GPAT3: variants seen among roughly 807,000 people sequenced by gnomAD.
GPAT3 encodes the protein glycerol-3-phosphate acyltransferase 3, also known as 1-AGP acyltransferase 9.
A neutral mutation model predicts 58.8 loss-of-function variants in GPAT3; 53 were observed. The observed-to-expected ratio is 0.90, with a 90% CI of 0.72 to 1.13. The LOEUF is 1.13. Among genes scored for constraint, GPAT3 ranks in the 50% most tolerant of loss-of-function variants. The pLI is 0.00. For synonymous variants in GPAT3, 197 were observed against 187.4 expected, an observed-to-expected ratio of 1.05 and a Z score of -0.42; for missense variants, 511 against 527.6, an observed-to-expected ratio of 0.97 and a Z score of 0.31.
chr4:83,536,737 A>G lies in GPAT3; in HGVS notation c.115A>G (p.Met39Val), dbSNP rs780369619. Residue 39 changes from methionine to valine, a missense_variant, in exon 1 of 12, where the codon ATG becomes GTG. Coordinates refer to ENST00000264409, the MANE Select transcript of GPAT3 (RefSeq NM_032717.5). ...GTCTCTGGGCATCTCCGAGATCTAC[A>G]TGAAGATCCTAGTGAAAACTTTAGA... ...GVSLGISEIY[M>V]KILVKTLEWA... 3 of 1,612,674 alleles carry G rather than the reference A, an allele frequency of 1.9e-6. No individual in the cohort carries two copies. Among genetic ancestry groups the G allele is most frequent in the Non-Finnish European group, 8.5e-7 (1 of 1,179,780 alleles).
chr4:83,594,880 T>C lies in GPAT3; in HGVS notation c.774T>C (p.Ile258=). 1 of 1,613,990 alleles carries C rather than the reference T, an allele frequency of 6.2e-7. No homozygotes were observed. ...GQVHGGLMGI[I]QRAMVKACPH... ...TTCATGGCGGCTTGATGGGAATTAT[T>C]CAGAGAGCTATGGTCAAGGCTTGTC... The change falls in exon 7 of 12, where the codon ATT becomes ATC. Residue 258 remains isoleucine, a synonymous_variant. Coordinates refer to ENST00000264409, the MANE Select transcript of GPAT3 (RefSeq NM_032717.5).
chr4:83,547,971 C>T (rs539665692), intron 2 of GPAT3, among the ~76,000 whole-genome samples: 5 of 151,834 alleles, frequency 3.3e-5, no homozygotes, highest in Middle Eastern at 3.4e-3. Flanking sequence ...GCCATAGTGC[C>T]GGGCCATATC....
chr4:83,549,073 A>T (rs1308015304), intron 2 of GPAT3, among the ~76,000 whole-genome samples: 1 of 151,694 alleles, frequency 6.6e-6, no homozygotes, highest in African/African-American at 2.4e-5. Flanking sequence ...GTCAGGTGGG[A>T]TCATGCATGC....
At chr4:83,595,191 C>T (rs1726774804) in intron 7 of GPAT3, 1 of 377,066 alleles carries the variant, frequency 2.7e-6, no homozygotes, top group Non-Finnish European at 4.8e-6. Context: ...ATTTATATTG[C>T]TGTGACTTAG....
At chr4:83,551,487 ATT>A (rs33960272) in intron 2 of GPAT3, among the ~76,000 whole-genome samples, 52,096 of 151,274 alleles carry the variant, frequency 0.34, 9,078 homozygotes, top group Middle Eastern at 0.44. Flanking sequence ...TGTATTTATA[ATT>A]TTTTTTCTTT....
intron 2 of GPAT3, among the ~76,000 whole-genome samples, chr4:83,570,748 C>T (rs1443948680): frequency 6.6e-6 from 1 of 152,164 alleles, no homozygotes; most frequent in Non-Finnish European, 1.5e-5. Flanking sequence ...GTTGGGATTA[C>T]AGGCGTGAGC....
intron 11 of GPAT3, among the ~76,000 whole-genome samples, chr4:83,600,898 G>A (rs1199966638): frequency 6.6e-6 from 1 of 152,104 alleles, no homozygotes; most frequent in Non-Finnish European, 1.5e-5. Context: ...TAAACTCCCT[G>A]CTGTCTTTTT....
chr4:83,598,031 T>C lies in GPAT3; in HGVS notation c.997-20T>C, dbSNP rs541057590. 5 of 1,612,576 alleles carry C rather than the reference T, an allele frequency of 3.1e-6. No individual in the cohort carries two copies. The South Asian group carries it at 5.5e-5, about 18-fold the overall frequency. On this transcript the variant is annotated intron_variant, in intron 9 of 11. Coordinates refer to ENST00000264409, the MANE Select transcript of GPAT3 (RefSeq NM_032717.5). ...AACCACCCTTATTTCATAACTGAGA[T>C]GTATTTTCTTTTTTCTCAGTATAAC... is the stretch of plus-strand genomic sequence containing the variant.
At chr4:83,592,298 T>C (rs1286938367) in intron 6 of GPAT3, among the ~76,000 whole-genome samples, 3 of 152,196 alleles carry the variant, frequency 2.0e-5, no homozygotes, top group Admixed American at 6.5e-5. Flanking sequence ...TCCAGTGGGT[T>C]GAGTGTAGAA....
intron 1 of GPAT3, among the ~76,000 whole-genome samples, chr4:83,541,315 C>T (rs1328735185): frequency 1.3e-5 from 2 of 151,484 alleles, no homozygotes; most frequent in East Asian, 1.9e-4. Context: ...ACTGTAGCCT[C>T]GACCTCCTGA....
rs748500947 is a variant in GPAT3 at position 83,590,086 on chromosome 4, C to T, written c.645-113C>T. ...CCAGCCTGGGCAACAGAGTGAGACG[C>T]GAAAAAAAAAATTACATATATACAC... On this transcript the variant is annotated intron_variant, in intron 5 of 11. Coordinates refer to ENST00000264409, the MANE Select transcript of GPAT3 (RefSeq NM_032717.5). 9.2e-5 allele frequency: 85 copies of T among 920,314 alleles called. 2 individuals are homozygous for T. In the South Asian group the frequency reaches 9.9e-4, roughly 11 times the overall value. 57.0% of individuals were successfully genotyped at this position (920,314 alleles called of 1,614,324 possible).
rs754314401 is a variant in GPAT3, at chr4:83,544,615, T to C, written c.208+13T>C. The C allele has an allele frequency of 6.2e-7, 1 of 1,613,450 alleles. No homozygotes were observed. Among genetic ancestry groups the C allele is most frequent in the East Asian group, 2.2e-5 (1 of 44,846 alleles). On this transcript the variant is annotated intron_variant, in intron 2 of 11. Transcript: ENST00000264409. ...TCTGCTTCTGTTGGTGAGTTTTCCT[T>C]TTCATTATGATTGTTACCATATTTA... is the stretch of plus-strand genomic sequence containing the variant.
At chr4:83,579,056 T>TTCTTTCTC (rs1725979351) in intron 2 of GPAT3, among the ~76,000 whole-genome samples, 1 of 48,560 alleles carries the variant, frequency 2.1e-5, no homozygotes, top group Non-Finnish European at 4.2e-5. Context: ...CTTTCTTTCT[T>TTCTTTCTC]TCTTTCTTTC....
At chr4:83,580,447 C>G (rs1379985162) in intron 2 of GPAT3, among the ~76,000 whole-genome samples, 1 of 152,170 alleles carries the variant, frequency 6.6e-6, no homozygotes, top group African/African-American at 2.4e-5. Context: ...ACAGTGAACA[C>G]CCTTGCCTAC....
chr4:83,581,481 C>A (rs1326130833), intron 2 of GPAT3, 81 bp from the exon 3 acceptor site: 1 of 1,456,912 alleles, frequency 6.9e-7, no homozygotes, highest in South Asian at 1.3e-5. Context: ...GCATATTTAA[C>A]TTCTACACAG....
At chr4:83,573,617 A>C (rs1725682190) in intron 2 of GPAT3, among the ~76,000 whole-genome samples, 1 of 152,132 alleles carries the variant, frequency 6.6e-6, no homozygotes, top group Non-Finnish European at 1.5e-5. Flanking sequence ...TAATCACACT[A>C]ATCACATTTA....
At position 83,560,875 on chromosome 4, in the gene GPAT3, C is replaced by T. The variant is rs1295894423; in HGVS notation, c.208+16273C>T. Among the ~76,000 whole-genome samples, 3 of 152,150 alleles carry T rather than the reference C, an allele frequency of 2.0e-5. No homozygotes were observed. In the East Asian group the frequency reaches 5.8e-4, roughly 29 times the overall value. The stretch of plus-strand genomic sequence containing the variant: ...TGCTCTGGCCATGTGGTGTGCCTGT[C>T]CCCACTTTTGCCTTCTGCCATGATT... On this transcript the variant is annotated intron_variant, in intron 2 of 11. Coordinates refer to ENST00000264409, the MANE Select transcript of GPAT3 (RefSeq NM_032717.5).
intron 2 of GPAT3, among the ~76,000 whole-genome samples, chr4:83,573,593 C>T (rs566224708): frequency 3.2e-4 from 49 of 152,276 alleles, no homozygotes; most frequent in Non-Finnish European, 4.9e-4. Flanking sequence ...ACTACCTTAT[C>T]GTGGTCTCTT....
chr4:83,605,097 A>G lies in GPAT3; in HGVS notation c.*330A>G, dbSNP rs1328698732. The G allele has an allele frequency of 5.7e-6, 1 of 175,660 alleles. No individual in the cohort carries two copies. The highest frequency in any genetic ancestry group is 1.2e-5 in the Non-Finnish European group (1 of 83,210). 10.9% of individuals were successfully genotyped at this position (175,660 alleles called of 1,614,324 possible). A position where few individuals can be genotyped will look rare whatever the true frequency, so the allele number is the denominator to read the frequency against. On this transcript the variant is annotated 3_prime_UTR_variant, in exon 12 of 12. Transcript: ENST00000264409. ...TGTGTTTGGAACTCATCGATAGGGT[A>G]ATTCTCCAAAAATGCCCAAACTCTT... is the stretch of plus-strand genomic sequence containing the variant.
Sources: gnomAD v4.1 joint callset for allele counts (sites outside exome capture counted in the v4.1 genomes callset) on GRCh38, gnomAD v4.1.1 for gene constraint, MANE v1.5 for transcripts, NCBI Gene and HGNC (gene_info 2026-07-23, HGNC 2026-07-21) for gene names.